The following PCDHA1 variants were observed in gnomAD, a reference collection of about 807,000 sequenced individuals.
The protein encoded by PCDHA1 is protocadherin alpha 1.
PCDHA1 carries 42 observed loss-of-function variants against 61.3 expected under a neutral mutation model. The observed-to-expected ratio is 0.69, with a 90% CI of 0.54 to 0.89. The LOEUF is 0.89. Among genes scored for constraint, PCDHA1 ranks in the 40% least tolerant of loss-of-function variants. PCDHA1 has a pLI of 0.00. For missense variants in PCDHA1, 1,256 were observed against 1,235.3 expected, an observed-to-expected ratio of 1.02 and a Z score of -0.25; for synonymous variants, 610 against 553.8, an observed-to-expected ratio of 1.10 and a Z score of -1.43.
chr5:140,834,254 G>T (rs1019839548), intron 1 of PCDHA1: 1 of 927,248 alleles, frequency 1.1e-6, no homozygotes, highest in Non-Finnish European at 1.6e-6. Context: ...CTGGAAAGAC[G>T]CTCCACTCTC....
chr5:140,850,295 C>T (rs2150478300), intron 1 of PCDHA1: 1 of 1,596,420 alleles, frequency 6.3e-7, no homozygotes, highest in South Asian at 1.1e-5. Flanking sequence ...TGGACGCCGA[C>T]TCGGGCTACA....
At chr5:140,913,205 C>G (rs2076252546) in intron 1 of PCDHA1, among the ~76,000 whole-genome samples, 1 of 152,176 alleles carries the variant, frequency 6.6e-6, no homozygotes, top group South Asian at 2.1e-4. Context: ...GCAGTGAAGC[C>G]AATGGGTCCC....
rs1554123890 is a variant in PCDHA1 at position 140,807,338 on chromosome 5, G to A, written c.2394+18654G>A. 8 of 1,613,420 alleles carry A rather than the reference G, an allele frequency of 5.0e-6. No individual in the cohort carries two copies. The South Asian group carries it at 8.8e-5, about 18-fold the overall frequency. On this transcript the variant is annotated intron_variant, in intron 1 of 3. Transcript: ENST00000504120. The stretch of plus-strand genomic sequence containing the variant: ...CACCTTCGTGGGCCGCATCGCGCAG[G>A]ACCTGGGACTGGAGCTGGCGGAGCT...
At chr5:140,815,038 AT>A (rs1226281271) in intron 1 of PCDHA1, 30 of 152,068 alleles carry the variant, frequency 2.0e-4, no homozygotes, top group Non-Finnish European at 3.4e-4. Flanking sequence ...TTTGCATGAA[AT>A]TTTTTTAATA....
In PCDHA1 at chr5:140,841,685, G is replaced by A. The variant is rs1332759626; in HGVS notation, c.2394+53001G>A. ...GCTGCAGGTTTTCCATGTGGACGTG[G>A]AGGTGAAGGATGTTAATGACAACCC... On this transcript the variant is annotated intron_variant, in intron 1 of 3. Transcript: ENST00000504120. 1.9e-6 allele frequency: 3 copies of A among 1,613,960 alleles called. No individual in the cohort carries two copies. The Admixed American group carries it at 5.0e-5, about 27-fold the overall frequency.
rs370307660 is a variant in PCDHA1 at position 140,924,901 on chromosome 5, A to T, written c.2395-54048A>T. On this transcript the variant is annotated intron_variant, in intron 1 of 3. Transcript: ENST00000504120. The stretch of plus-strand genomic sequence containing the variant: ...CAGAGCAAGAACCTGTCTCAAAAAA[A>T]AAAATAAAATAAAATAAAATAAAAT... Among the ~76,000 whole-genome samples, 368 of 80,482 alleles carry T rather than the reference A, an allele frequency of 4.6e-3. 1 individual carries two copies. Among genetic ancestry groups the T allele is most frequent in the East Asian group, 9.1e-3 (17 of 1,868 alleles). The allele number at this position is 80,482 out of a possible 152,430, so 52.8% of individuals were successfully genotyped here. A position where few individuals can be genotyped will look rare whatever the true frequency, so the allele number is the denominator to read the frequency against.
intron 1 of PCDHA1, chr5:140,824,334 G>A (rs1768090870): frequency 3.1e-6 from 2 of 641,538 alleles, no homozygotes; most frequent in South Asian, 4.4e-5. Context: ...GTGATATTAA[G>A]TGTTTTTAAA....
At chr5:140,952,993 C>G (rs1273513255) in intron 1 of PCDHA1, among the ~76,000 whole-genome samples, 1 of 152,106 alleles carries the variant, frequency 6.6e-6, no homozygotes, top group Non-Finnish European at 1.5e-5. Flanking sequence ...CTCATGAGAA[C>G]TCTCTCACTA....
intron 1 of PCDHA1, chr5:140,877,685 C>A (rs377753884): frequency 1.2e-6 from 2 of 1,613,628 alleles, no homozygotes; most frequent in Non-Finnish European, 1.7e-6. Context: ...GGCAAGCCCA[C>A]GCTGGTGTGC....
rs782157769 is a variant in PCDHA1, at chr5:140,877,409, G to T, written c.2394+88725G>T. On this transcript the variant is annotated intron_variant, in intron 1 of 3. Coordinates refer to ENST00000504120, the MANE Select transcript of PCDHA1 (RefSeq NM_018900.4). ...GATGAGGCGGACGCTCCGCGCCACC[G>T]CCTGCTGGTGCTGGTGAAGGACCAC... 11 of 1,613,802 alleles carry T rather than the reference G, an allele frequency of 6.8e-6. No homozygotes were observed. The African/African-American group carries it at 1.3e-4, about 20-fold the overall frequency.
chr5:140,787,072 T>G lies in PCDHA1; in HGVS notation c.782T>G (p.Val261Gly), dbSNP rs782511856. Reference sequence around the variant, plus strand: ...GAGACTACAGCAAATGGAACATTAGTGACCACATTAAATGCCTCTGATGCT... The same window carrying G: ...GAGACTACAGCAAATGGAACATTAGGGACCACATTAAATGCCTCTGATGCT... ...LLETTANGTL[V>G]TTLNASDADE... is the part of the protein sequence containing the mutation. The change falls in exon 1 of 4, where the codon GTG (valine) becomes GGG (glycine). Residue 261 changes from valine to glycine, a missense_variant. By Grantham distance (109) the Val-to-Gly change is moderately radical. Transcript: ENST00000504120. The G allele has an allele frequency of 6.2e-7, 1 of 1,614,210 alleles. No individual in the cohort carries two copies. The highest frequency in any genetic ancestry group is 8.5e-7 in the Non-Finnish European group (1 of 1,180,010).
chr5:140,957,523 T>G (rs987363578), intron 1 of PCDHA1, among the ~76,000 whole-genome samples: 1 of 152,156 alleles, frequency 6.6e-6, no homozygotes, highest in African/African-American at 2.4e-5. Context: ...TTTCAGACAT[T>G]CAGTGGGGAT....
At chr5:140,801,605 T>C in intron 1 of PCDHA1, 1 of 1,614,200 alleles carries the variant, frequency 6.2e-7, no homozygotes, top group Non-Finnish European at 8.5e-7. Flanking sequence ...TTCCAATGGC[T>C]GTAAAGAATC....
At chr5:140,829,894 A>C (rs201316180) in intron 1 of PCDHA1, 21 of 1,613,840 alleles carry the variant, frequency 1.3e-5, no homozygotes, top group Non-Finnish European at 1.7e-5. Context: ...ACGCCGACTC[A>C]GGCTACAACG....
At chr5:140,796,337 C>G (rs1351448995) in intron 1 of PCDHA1, 40 of 1,613,986 alleles carry the variant, frequency 2.5e-5, no homozygotes, top group Non-Finnish European at 3.4e-5. Context: ...TTCGCACAGC[C>G]TGAGTACACA....
At chr5:140,801,627 G>T in intron 1 of PCDHA1, 2 of 1,614,136 alleles carry the variant, frequency 1.2e-6, no homozygotes, top group Non-Finnish European at 1.7e-6. Flanking sequence ...GTTTATTTCC[G>T]AATCCCGACA....
intron 1 of PCDHA1, chr5:140,822,271 C>T: frequency 6.2e-7 from 1 of 1,614,210 alleles, no homozygotes; most frequent in Non-Finnish European, 8.5e-7. Context: ...AGCAAATGCA[C>T]AATTGAGATA....
At position 140,850,957 on chromosome 5, in the gene PCDHA1, CA is replaced by C; in HGVS notation, c.2394+62274del. On this transcript the variant is annotated intron_variant, in intron 1 of 3. Transcript: ENST00000504120. ...CTTGAAAGATATTATCGATTACTCCCAGGGGCCGTTCAAATAGTTTTATTCA... is the reference window on the plus strand; with the variant it reads ...CTTGAAAGATATTATCGATTACTCCCGGGGCCGTTCAAATAGTTTTATTCA... The C allele has an allele frequency of 1.1e-5, 17 of 1,481,512 alleles. 4 individuals are homozygous for C. The highest frequency in any genetic ancestry group is 1.5e-5 in the Non-Finnish European group (17 of 1,106,408). The allele number at this position is 1,481,512 out of a possible 1,614,324, so 91.8% of individuals were successfully genotyped here. A position where few individuals can be genotyped will look rare whatever the true frequency, so the allele number is the denominator to read the frequency against.
chr5:140,927,137 A>G, intron 1 of PCDHA1: 2 of 1,614,052 alleles, frequency 1.2e-6, no homozygotes, highest in South Asian at 2.2e-5. Context: ...GAGCCGGCGG[A>G]CCGCGAACAG....
Sources: allele counts gnomAD v4.1 joint callset (sites outside exome capture counted in the v4.1 genomes callset), GRCh38; gene constraint gnomAD v4.1.1; transcripts MANE v1.5; gene names NCBI Gene and HGNC (gene_info 2026-07-23, HGNC 2026-07-21).